The following PSMF1 variants were observed in gnomAD, a reference collection of about 807,000 sequenced individuals.
PSMF1 encodes proteasome inhibitor subunit 1.
Under a neutral mutation model 29.3 loss-of-function variants are expected in PSMF1, and 30 were observed. The observed-to-expected ratio is 1.02, with a 90% CI of 0.77 to 1.39. PSMF1 has a LOEUF of 1.39. Ranked by LOEUF, PSMF1 falls within the 40% of genes most tolerant of loss-of-function variation. PSMF1 has a pLI of 0.00. For missense variants in PSMF1, 344 were observed against 357.5 expected, an observed-to-expected ratio of 0.96 and a Z score of 0.31; for synonymous variants, 134 against 139.7, an observed-to-expected ratio of 0.96 and a Z score of 0.29.
chr20:1,164,197 T>C lies in PSMF1; in HGVS notation c.606-121T>C. 1 of 1,041,112 alleles carries C rather than the reference T, an allele frequency of 9.6e-7. No homozygotes were observed. The highest frequency in any genetic ancestry group is 1.5e-6 in the Non-Finnish European group (1 of 679,868). The allele number at this position is 1,041,112 out of a possible 1,614,324, so 64.5% of individuals were successfully genotyped here. ...TGGCTCTCAGGCAGCCATCCACATG[T>C]CTGCTTGGGCCATCCAGAGTAGACA... is the stretch of plus-strand genomic sequence containing the variant. On this transcript the variant is annotated intron_variant, in intron 5 of 6. Coordinates refer to ENST00000335877, the MANE Select transcript of PSMF1 (RefSeq NM_006814.5). The surrounding 1 kb of genome is among the most constrained non-coding windows in gnomAD (Gnocchi z 4.1).
chr20:1,123,180 T>C (rs1420065756), intron 1 of PSMF1, among the ~76,000 whole-genome samples: 1 of 152,238 alleles, frequency 6.6e-6, no homozygotes, highest in Non-Finnish European at 1.5e-5. Flanking sequence ...ACCATGACAG[T>C]TGCGACATCC....
intron 4 of PSMF1, among the ~76,000 whole-genome samples, chr20:1,148,899 C>T (rs939375192): frequency 6.6e-6 from 1 of 152,126 alleles, no homozygotes; most frequent in Non-Finnish European, 1.5e-5. Flanking sequence ...GCAATATTTA[C>T]TGCATTAGCA....
At chr20:1,134,990 A>G in intron 3 of PSMF1, 131 bp from the exon 4 acceptor site, 1 of 879,294 alleles carries the variant, frequency 1.1e-6, no homozygotes, top group Admixed American at 2.0e-5. Context: ...CTGTTCCCCC[A>G]CTTATAAACA....
At chr20:1,126,471 C>G (rs1388490477) in intron 2 of PSMF1, among the ~76,000 whole-genome samples, 1 of 152,126 alleles carries the variant, frequency 6.6e-6, no homozygotes, top group African/African-American at 2.4e-5. Context: ...ACCATAATTT[C>G]TTTATTCCTT....
intron 1 of PSMF1, among the ~76,000 whole-genome samples, chr20:1,124,100 A>G (rs2086124019): frequency 6.6e-6 from 1 of 152,208 alleles, no homozygotes; most frequent in African/African-American, 2.4e-5. Flanking sequence ...GTCTCTTCCT[A>G]GCCTGTGGCT....
chr20:1,165,109 T>C lies in PSMF1; in HGVS notation c.*29T>C. On this transcript the variant is annotated 3_prime_UTR_variant, in exon 7 of 7. Coordinates refer to ENST00000335877, the MANE Select transcript of PSMF1 (RefSeq NM_006814.5). ...CCTCAAGAATGTAACATCCCAGGCT[T>C]CCCTCCATTCTCCTGGAGCTGCCAC... The C allele has an allele frequency of 6.2e-7, 1 of 1,614,074 alleles. No individual in the cohort carries two copies. The highest frequency in any genetic ancestry group is 8.5e-7 in the Non-Finnish European group (1 of 1,180,000).
chr20:1,113,837 G>A (rs543403350), upstream of PSMF1, among the ~76,000 whole-genome samples: 3 of 152,032 alleles, frequency 2.0e-5, no homozygotes, highest in Non-Finnish European at 4.4e-5. Context: ...AACTACAGGT[G>A]CCCGCCACCA....
At position 1,127,526 on chromosome 20, in the gene PSMF1, C is replaced by A. The variant is rs193249221; in HGVS notation, c.365+18C>A. On this transcript the variant is annotated intron_variant, in intron 3 of 6. Transcript: ENST00000335877. The stretch of plus-strand genomic sequence containing the variant: ...TTCCACAGGTACTTCTAAATGATGT[C>A]TCTTCCCTGGGAAAAAGAAGAGAGA... 1.0e-5 allele frequency: 16 copies of A among 1,548,008 alleles called. No individual in the cohort carries two copies. The African/African-American group carries it at 2.0e-4, about 20-fold the overall frequency.
chr20:1,114,123 T>C (rs1279031670), upstream of PSMF1, among the ~76,000 whole-genome samples: 3 of 152,222 alleles, frequency 2.0e-5, no homozygotes, highest in African/African-American at 7.2e-5. Flanking sequence ...CTCTAAATTA[T>C]GCAACTCTGT....
At chr20:1,157,674 G>A (rs1265582266) in intron 4 of PSMF1, among the ~76,000 whole-genome samples, 2 of 152,028 alleles carry the variant, frequency 1.3e-5, no homozygotes, top group Non-Finnish European at 2.9e-5. Context: ...AGCTGGTCAC[G>A]TGGTCGTAGC....
intron 4 of PSMF1, among the ~76,000 whole-genome samples, chr20:1,139,278 A>G (rs1222391314): frequency 6.6e-6 from 1 of 152,220 alleles, no homozygotes; most frequent in Non-Finnish European, 1.5e-5. Flanking sequence ...CATTCTCCTT[A>G]ATGGAGAAAG....
At position 1,171,228 on chromosome 20, in the gene PSMF1, A is replaced by G. The variant is rs80006915; in HGVS notation, c.*6148A>G. ...ACCTCCACCTGCAGCCACAGTGCCC[A>G]GAGCACCTGGTTAGGAGGAGCATCT... On this transcript the variant is annotated 3_prime_UTR_variant, in exon 7 of 7. Transcript: ENST00000335877. Among the ~76,000 whole-genome samples the G allele has an allele frequency of 8.4e-3, 1,272 of 152,284 alleles. 20 individuals are homozygous for G. The highest frequency in any genetic ancestry group is 0.029 in the African/African-American group (1,192 of 41,548).
chr20:1,145,430 C>T (rs2086437785), intron 4 of PSMF1, among the ~76,000 whole-genome samples: 1 of 152,050 alleles, frequency 6.6e-6, no homozygotes, highest in African/African-American at 2.4e-5. Flanking sequence ...AAGGCTTCCC[C>T]AAGGAAGGGA....
chr20:1,114,026 G>A (rs576604546), upstream of PSMF1, among the ~76,000 whole-genome samples: 6 of 152,242 alleles, frequency 3.9e-5, no homozygotes, highest in South Asian at 6.2e-4. Flanking sequence ...GCTTACCCCC[G>A]GTCAGGGGTG....
At position 1,170,035 on chromosome 20, in the gene PSMF1, G is replaced by A. The variant is rs984028285; in HGVS notation, c.*4955G>A. On this transcript the variant is annotated 3_prime_UTR_variant, in exon 7 of 7. Coordinates refer to ENST00000335877, the MANE Select transcript of PSMF1 (RefSeq NM_006814.5). ...GCCCCAATCTAGATCTCAAGGGAAC[G>A]GCCTTCAGATCCATTTTTGACAAGT... Among the ~76,000 whole-genome samples the A allele has an allele frequency of 6.6e-6, 1 of 152,060 alleles. No homozygotes were observed. Among genetic ancestry groups the A allele is most frequent in the Non-Finnish European group, 1.5e-5 (1 of 68,022 alleles).
At chr20:1,159,321 A>G (rs2086637062) in intron 4 of PSMF1, among the ~76,000 whole-genome samples, 1 of 151,916 alleles carries the variant, frequency 6.6e-6, no homozygotes, top group Non-Finnish European at 1.5e-5. Context: ...GATTACAGGC[A>G]TGAACTACTG....
chr20:1,124,929 T>G (rs924756415), intron 1 of PSMF1, among the ~76,000 whole-genome samples: 2 of 152,232 alleles, frequency 1.3e-5, no homozygotes, highest in African/African-American at 4.8e-5. Flanking sequence ...TTTATTGGAG[T>G]ATGCTACCCA....
chr20:1,143,917 C>T (rs1989400), intron 4 of PSMF1, among the ~76,000 whole-genome samples: 1 of 151,894 alleles, frequency 6.6e-6, no homozygotes, highest in East Asian at 1.9e-4. Flanking sequence ...ATGGTGAAAC[C>T]GTGTCTCTTC....
intron 4 of PSMF1, among the ~76,000 whole-genome samples, chr20:1,147,810 A>G (rs1452934916): frequency 6.6e-6 from 1 of 152,166 alleles, no homozygotes; most frequent in Non-Finnish European, 1.5e-5. Context: ...CTCAGCAACC[A>G]GGCACTCACA....
Sources: gnomAD v4.1 joint callset for allele counts (sites outside exome capture counted in the v4.1 genomes callset) on GRCh38, gnomAD v4.1.1 for gene constraint, Gnocchi (gnomAD v3.1) non-coding constraint, MANE v1.5 for transcripts, NCBI Gene and HGNC (gene_info 2026-07-23, HGNC 2026-07-21) for gene names.